CUX1: variants seen among roughly 807,000 people sequenced by gnomAD.
The protein encoded by CUX1 is protein CASP.
A neutral mutation model predicts 158.8 loss-of-function variants in CUX1; 31 were observed. That is an observed-to-expected ratio of 0.20 (90% confidence interval 0.15 to 0.26). The LOEUF (loss-of-function observed/expected upper bound fraction) is 0.26. Ranked by LOEUF, CUX1 falls within the 10% of genes least tolerant of loss-of-function variation. The pLI, the probability that CUX1 is intolerant of heterozygous loss-of-function variation, is 1.00. For missense variants in CUX1, 1,589 were observed against 2,014.6 expected, an observed-to-expected ratio of 0.79 and a Z score of 4.04; for synonymous variants, 879 against 862.1, an observed-to-expected ratio of 1.02 and a Z score of -0.34.
chr7:101,879,669 G>A lies in CUX1; in HGVS notation c.31-36446G>A, dbSNP rs531715483. Among the ~76,000 whole-genome samples, 9 of 152,362 alleles carry A rather than the reference G, an allele frequency of 5.9e-5. No individual in the cohort carries two copies. The East Asian group carries it at 1.7e-3, about 29-fold the overall frequency. On this transcript the variant is annotated intron_variant, in intron 1 of 23. Transcript: ENST00000292535. ...GCTCTCCCGGCTGGCCCAGTTGAGG[G>A]TGGTCAGTTCCTTTTGTGGCCTTGC...
chr7:101,944,794 G>A (rs1003338085), intron 2 of CUX1, among the ~76,000 whole-genome samples: 1 of 152,038 alleles, frequency 6.6e-6, no homozygotes, highest in African/African-American at 2.4e-5. Context: ...CGGTCACCTC[G>A]GGCCACCCAG....
chr7:102,233,165 T>C (rs1799171982), intron 21 of CUX1, among the ~76,000 whole-genome samples: 1 of 149,184 alleles, frequency 6.7e-6, no homozygotes. Context: ...ATACAAAGCC[T>C]GAAGGCTTTT....
At chr7:101,889,286 A>C (rs1379705153) in intron 1 of CUX1, among the ~76,000 whole-genome samples, 1 of 145,892 alleles carries the variant, frequency 6.9e-6, no homozygotes, top group East Asian at 2.1e-4. Context: ...AAGTGCTGAG[A>C]GAGATCGTTT....
At chr7:101,900,321 AC>A (rs1802009723) in intron 1 of CUX1, among the ~76,000 whole-genome samples, 2 of 152,156 alleles carry the variant, frequency 1.3e-5, no homozygotes, top group Non-Finnish European at 2.9e-5. Flanking sequence ...AGCCAGCGGT[AC>A]CGGTGCCAGG....
chr7:102,268,668 G>A (rs1374916160), intron 14 of CUX1, among the ~76,000 whole-genome samples: 3 of 152,176 alleles, frequency 2.0e-5, no homozygotes, highest in African/African-American at 7.2e-5. Flanking sequence ...TTTGGCTCAT[G>A]GTTCTGCAGG....
chr7:102,118,760 G>A (rs1174237988), intron 8 of CUX1, among the ~76,000 whole-genome samples: 1 of 151,866 alleles, frequency 6.6e-6, no homozygotes, highest in African/African-American at 2.4e-5. Flanking sequence ...TGTTGTTGTT[G>A]TTTTGTTTTG....
chr7:101,889,750 C>T (rs181273019), intron 1 of CUX1, among the ~76,000 whole-genome samples: 3 of 152,206 alleles, frequency 2.0e-5, no homozygotes, highest in South Asian at 2.1e-4. Flanking sequence ...CCAGCCTGGG[C>T]GACAGAGCAA....
At chr7:102,160,135 T>C (rs411354) in intron 9 of CUX1, among the ~76,000 whole-genome samples, 97,162 of 151,536 alleles carry the variant, frequency 0.64, 32,755 homozygotes, top group African/African-American at 0.83. Context: ...GAACCAATCA[T>C]GCCACCATAC....
At chr7:101,902,613 A>G (rs1562984703) in intron 1 of CUX1, among the ~76,000 whole-genome samples, 1 of 152,176 alleles carries the variant, frequency 6.6e-6, no homozygotes, top group African/African-American at 2.4e-5. Flanking sequence ...TGGAGGGTCA[A>G]CCCACTACAA....
At chr7:102,239,182 CA>C in intron 22 of CUX1, 137 bp from the exon 23 acceptor site, 1 of 1,021,236 alleles carries the variant, frequency 9.8e-7, no homozygotes. Context: ...CCACCATGCC[CA>C]GCCTCATCTT....
intron 1 of CUX1, among the ~76,000 whole-genome samples, chr7:101,841,716 C>T (rs1001009027): frequency 2.6e-5 from 4 of 152,032 alleles, no homozygotes; most frequent in Non-Finnish European, 4.4e-5. Context: ...CCTGCCACCA[C>T]GCCCAGCTGA....
chr7:101,817,086 C>T (rs527976953), upstream of CUX1: 23,770 of 984,548 alleles, frequency 0.024, 323 homozygotes, highest in Non-Finnish European at 0.027. The surrounding 1 kb of genome is among the most constrained non-coding windows in gnomAD (Gnocchi z 4.1). Context: ...CGGGGGTGCC[C>T]CGCGCGCAGT....
chr7:102,188,214 AAG>A (rs1295798844), intron 11 of CUX1, among the ~76,000 whole-genome samples: 24 of 142,454 alleles, frequency 1.7e-4, no homozygotes, highest in Admixed American at 3.5e-4. Flanking sequence ...TAAAAAAAAA[AAG>A]AAGAAGAAGA....
chr7:102,210,192 G>A (rs1554522770), intron 20 of CUX1, among the ~76,000 whole-genome samples: 1 of 152,190 alleles, frequency 6.6e-6, no homozygotes, highest in African/African-American at 2.4e-5. Flanking sequence ...CACCTCCGGG[G>A]TTCAAGTAAT....
chr7:102,216,512 G>GCA (rs1797058880), intron 20 of CUX1, among the ~76,000 whole-genome samples: 2 of 86,310 alleles, frequency 2.3e-5, no homozygotes, highest in Admixed American at 1.3e-4. Context: ...GCGTGTGTGC[G>GCA]CGCACACACA....
intron 2 of CUX1, among the ~76,000 whole-genome samples, chr7:102,017,611 C>T (rs1205237338): frequency 2.6e-5 from 4 of 152,002 alleles, no homozygotes; most frequent in Non-Finnish European, 5.9e-5. Context: ...TTCGGTAGGC[C>T]GAGATGGGTG....
intron 8 of CUX1, among the ~76,000 whole-genome samples, chr7:102,120,151 G>A (rs544099921): frequency 7.4e-4 from 113 of 152,298 alleles, no homozygotes; most frequent in African/African-American, 2.6e-3. Flanking sequence ...TCTTGGGTTT[G>A]GGTTGCTACT....
Position 102,083,102 on chromosome 7 carries a change from C to T in CUX1, c.268+12685C>T, listed in dbSNP as rs781876082. On this transcript the variant is annotated intron_variant, in intron 4 of 23. Coordinates refer to ENST00000292535, the MANE Select transcript of CUX1 (RefSeq NM_181552.4). ...CAAAGTTACAGTTGTATTATTTTAT[C>T]CCCTCATAAGAAATTGAGAGGAGTT... Among the ~76,000 whole-genome samples, 60 of 146,696 alleles carry T rather than the reference C, an allele frequency of 4.1e-4. 6 individuals are homozygous for T. The highest frequency in any genetic ancestry group is 6.9e-4 in the Non-Finnish European group (45 of 64,908).
In CUX1 at chr7:102,253,278, C is replaced by T; in HGVS notation, c.*4236C>T. The T allele has an allele frequency of 2.0e-6, 2 of 985,574 alleles. No individual in the cohort carries two copies. The highest frequency in any genetic ancestry group is 9.4e-5 in the South Asian group (2 of 21,288). 61.1% of individuals were successfully genotyped at this position (985,574 alleles called of 1,614,324 possible). The stretch of plus-strand genomic sequence containing the variant: ...AGCCCAGGTGGCCAGCTCTCATACC[C>T]CATCTCCCTCCTTGGCCAGGGCCAG... On this transcript the variant is annotated 3_prime_UTR_variant, in exon 24 of 24. Transcript: ENST00000292535.
Sources: gnomAD v4.1 joint callset for allele counts (sites outside exome capture counted in the v4.1 genomes callset) on GRCh38, gnomAD v4.1.1 for gene constraint, Gnocchi (gnomAD v3.1) non-coding constraint, MANE v1.5 for transcripts, NCBI Gene and HGNC (gene_info 2026-07-23, HGNC 2026-07-21) for gene names.